INO80D: variants seen among roughly 807,000 people sequenced by gnomAD.
INO80D encodes the protein INO80 complex subunit D.
In INO80D, 21 loss-of-function variants were observed where a neutral mutation model predicts 87.6. The observed-to-expected ratio is 0.24, with a 90% CI of 0.17 to 0.35. The LOEUF is 0.35. Among genes scored for constraint, INO80D ranks in the 10% least tolerant of loss-of-function variants. The pLI is 1.00. For missense variants in INO80D, 982 were observed against 1,280.7 expected, an observed-to-expected ratio of 0.77 and a Z score of 3.56; for synonymous variants, 440 against 491.0, an observed-to-expected ratio of 0.90 and a Z score of 1.37.
intron 10 of INO80D, among the ~76,000 whole-genome samples, chr2:206,006,351 GTGGGGTATAAAAC>G (rs1378666602): frequency 3.3e-5 from 5 of 152,176 alleles, no homozygotes; most frequent in African/African-American, 1.2e-4. Flanking sequence ...GAAGTACAGG[GTGGGGTATAAAAC>G]TAGGGCAAGT....
chr2:206,014,683 C>CA (rs557375593), intron 8 of INO80D, among the ~76,000 whole-genome samples: 178 of 151,902 alleles, frequency 1.2e-3, no homozygotes, highest in African/African-American at 3.9e-3. Flanking sequence ...ATCAGCAGCA[C>CA]AAAAACAGAC....
At chr2:206,010,804 C>T (rs1432652850) in intron 8 of INO80D, among the ~76,000 whole-genome samples, 1 of 152,122 alleles carries the variant, frequency 6.6e-6, no homozygotes, top group African/African-American at 2.4e-5. Context: ...TCTGGCCAGA[C>T]GCAGTGGCTC....
Position 206,076,254 on chromosome 2 carries a change from A to G in INO80D, c.-124+9647T>C, listed in dbSNP as rs147802469. Among the ~76,000 whole-genome samples the G allele has an allele frequency of 5.3e-3, 809 of 152,330 alleles. 4 individuals carry two copies. Among genetic ancestry groups the G allele is most frequent in the African/African-American group, 0.018 (735 of 41,568 alleles). On this transcript the variant is annotated intron_variant, in intron 1 of 10. Coordinates refer to ENST00000403263, the MANE Select transcript of INO80D (RefSeq NM_017759.5). ...AAATTATCAGAATGTTTGTTTTCCA[A>G]TATACTTAATGCAAATGAAAAGAAT...
intron 4 of INO80D, among the ~76,000 whole-genome samples, chr2:206,047,236 A>G (rs1689220183): frequency 6.6e-6 from 1 of 151,150 alleles, no homozygotes; most frequent in Non-Finnish European, 1.5e-5. Context: ...TTTTTTTTTG[A>G]GACAGGGTCT....
chr2:206,007,345 C>T lies in INO80D; in HGVS notation c.1857G>A (p.Glu619=), dbSNP rs1257711586. 6.2e-7 allele frequency: 1 copy of T among 1,613,800 alleles called. No homozygotes were observed. The highest frequency in any genetic ancestry group is 1.6e-4 in the Middle Eastern group (1 of 6,062). The change falls in exon 10 of 11, where the codon GAG becomes GAA. Residue 619 remains glutamate (E), a synonymous_variant. Transcript: ENST00000403263. ...GCCGTGGCAGGACATCTGAAAAGTC[C>T]TCCTGGTTCAATTCCAAGTCATGTG... is the stretch of plus-strand genomic sequence containing the variant. ...DIPHDLELNQ[E]DFSDVLPRLP...
rs904088834 is a variant in INO80D, at chr2:205,999,935, G to A, written c.*4433C>T. The A allele has an allele frequency of 1.8e-4, 27 of 151,996 alleles. No homozygotes were observed. The highest frequency in any genetic ancestry group is 6.5e-4 in the African/African-American group (27 of 41,454). The allele number at this position is 151,996 out of a possible 1,614,324, so 9.4% of individuals were successfully genotyped here. ...ATTCAGTTAATGTATTGGGCGGGGG[G>A]AAACATCTATGTTCTTTCATATATA... On this transcript the variant is annotated 3_prime_UTR_variant, in exon 11 of 11. Coordinates refer to ENST00000403263, the MANE Select transcript of INO80D (RefSeq NM_017759.5).
intron 8 of INO80D, among the ~76,000 whole-genome samples, chr2:206,014,582 CG>C (rs1014761607): frequency 3.3e-5 from 5 of 152,098 alleles, no homozygotes; most frequent in African/African-American, 1.2e-4. Context: ...TGCCTTCTGC[CG>C]TGATTGTGAG....
chr2:206,082,240 G>A (rs1229390927), intron 1 of INO80D, among the ~76,000 whole-genome samples: 1 of 152,028 alleles, frequency 6.6e-6, no homozygotes, highest in Non-Finnish European at 1.5e-5. Context: ...GGCTGGTCTC[G>A]AACTCCGGAC....
rs369571174 is a variant in INO80D, at chr2:206,036,896, T to C, written c.1074-8561A>G. ...GACCAGTAACAAGCAGTTTGCAGACTGACACAGGTCCACAGACCATCCCTT... is the reference window on the plus strand; with the variant it reads ...GACCAGTAACAAGCAGTTTGCAGACCGACACAGGTCCACAGACCATCCCTT... On this transcript the variant is annotated intron_variant, in intron 5 of 10. Transcript: ENST00000403263. Among the ~76,000 whole-genome samples, 16 of 152,184 alleles carry C rather than the reference T, an allele frequency of 1.1e-4. No homozygotes were observed. The East Asian group carries it at 1.2e-3, about 11-fold the overall frequency.
At chr2:206,073,411 A>G (rs772624307) in intron 1 of INO80D, among the ~76,000 whole-genome samples, 2 of 152,236 alleles carry the variant, frequency 1.3e-5, no homozygotes, top group Non-Finnish European at 2.9e-5. Flanking sequence ...CAAGATATAA[A>G]TAAGAATGGA....
In INO80D at chr2:206,009,667, C is replaced by T. The variant is rs756238431; in HGVS notation, c.1670G>A (p.Arg557Gln). The T allele has an allele frequency of 1.2e-6, 2 of 1,613,916 alleles. No homozygotes were observed. The change falls in exon 9 of 11, where the codon CGA becomes CAA. Residue 557 changes from arginine to glutamine, a missense_variant. Arg to Gln is a conservative substitution (Grantham distance 43, BLOSUM62 1). Transcript: ENST00000403263. ...TGCAGGTGGAATGGGTTTTTGGGGT[C>T]GACGAGGTCCACGCCTTCTCTTCTT... ...HKKKRRRGPR[R>Q]PQKPIPPAVP...
At chr2:206,010,025 G>A (rs565980060) in intron 8 of INO80D, among the ~76,000 whole-genome samples, 11 of 151,876 alleles carry the variant, frequency 7.2e-5, no homozygotes, top group East Asian at 5.8e-4. Context: ...TTACCATTGC[G>A]GTCAGCCTGC....
intron 8 of INO80D, among the ~76,000 whole-genome samples, chr2:206,016,840 A>G (rs1688331487): frequency 6.6e-6 from 1 of 152,134 alleles, no homozygotes; most frequent in Non-Finnish European, 1.5e-5. Flanking sequence ...GCCTGCCTCC[A>G]TCCATGTAAG....
At chr2:206,081,105 G>A (rs1050014561) in intron 1 of INO80D, among the ~76,000 whole-genome samples, 19 of 152,046 alleles carry the variant, frequency 1.2e-4, no homozygotes, top group African/African-American at 3.1e-4. Flanking sequence ...TTTTACAGAC[G>A]AAGAAAACTG....
intron 1 of INO80D, among the ~76,000 whole-genome samples, chr2:206,068,063 T>C (rs922263687): frequency 1.3e-5 from 2 of 152,206 alleles, no homozygotes; most frequent in Non-Finnish European, 2.9e-5. Context: ...CGTACTTCTG[T>C]TCCCAACTTT....
chr2:206,055,140 C>T (rs914714813), intron 4 of INO80D, among the ~76,000 whole-genome samples: 11 of 152,128 alleles, frequency 7.2e-5, no homozygotes, highest in African/African-American at 2.7e-4. Flanking sequence ...TATCTCTTCA[C>T]GTTCTATCTT....
intron 3 of INO80D, among the ~76,000 whole-genome samples, chr2:206,058,590 C>T (rs543247993): frequency 6.6e-6 from 1 of 151,764 alleles, no homozygotes; most frequent in African/African-American, 2.4e-5. Context: ...CAAAAATCAG[C>T]CAGATATGAT....
intron 1 of INO80D, among the ~76,000 whole-genome samples, chr2:206,069,481 C>T (rs1689904002): frequency 6.6e-6 from 1 of 152,106 alleles, no homozygotes; most frequent in African/African-American, 2.4e-5. Flanking sequence ...TGTGGTGGCT[C>T]ATGCCTGTAA....
intron 9 of INO80D, among the ~76,000 whole-genome samples, chr2:206,008,531 G>A (rs1248904981): frequency 1.3e-5 from 2 of 151,868 alleles, no homozygotes; most frequent in Admixed American, 6.6e-5. Flanking sequence ...CACCCACCTC[G>A]GCCTCCCAAA....
Sources: gnomAD v4.1 joint callset for allele counts (sites outside exome capture counted in the v4.1 genomes callset) on GRCh38, gnomAD v4.1.1 for gene constraint, MANE v1.5 for transcripts, NCBI Gene and HGNC (gene_info 2026-07-23, HGNC 2026-07-21) for gene names.